TMEM135: variants seen among roughly 807,000 people sequenced by gnomAD.
TMEM135 encodes the protein transmembrane protein 135.
A neutral mutation model predicts 60.3 loss-of-function variants in TMEM135; 30 were observed. That is an observed-to-expected ratio of 0.50 (90% confidence interval 0.37 to 0.68). The LOEUF (loss-of-function observed/expected upper bound fraction) is 0.68. Ranked by LOEUF, TMEM135 falls within the 30% of genes least tolerant of loss-of-function variation. The pLI is 0.00. For missense variants in TMEM135, 468 were observed against 548.8 expected (o/e 0.85, Z 1.47); for synonymous variants, 190 against 186.7 (o/e 1.02, Z -0.14).
At chr11:87,295,270 T>C (rs1332302439) in intron 6 of TMEM135, among the ~76,000 whole-genome samples, 1 of 152,214 alleles carries the variant, frequency 6.6e-6, no homozygotes, top group East Asian at 1.9e-4. Context: ...TCTGTTCTAA[T>C]TGGGCTTAAT....
rs115912743 is a variant in TMEM135 at position 87,241,377 on chromosome 11, G to A, written c.509+4693G>A. Among the ~76,000 whole-genome samples the A allele has an allele frequency of 8.3e-3, 1,257 of 151,790 alleles. 21 individuals are homozygous for A. Among genetic ancestry groups the A allele is most frequent in the African/African-American group, 0.029 (1,207 of 41,408 alleles). On this transcript the variant is annotated intron_variant, in intron 6 of 14. Coordinates refer to ENST00000305494, the MANE Select transcript of TMEM135 (RefSeq NM_022918.4). ...TTTTTAAAATTTTTAATTTTTATAG[G>A]TATATAGTAGGTGTATATACTTACA...
intron 5 of TMEM135, among the ~76,000 whole-genome samples, chr11:87,158,581 C>T (rs1487528861): frequency 6.6e-6 from 1 of 151,642 alleles, no homozygotes; most frequent in Non-Finnish European, 1.5e-5. Flanking sequence ...CCTGCCTCAG[C>T]CTCCCAAGTA....
At chr11:87,116,654 CACAT>C (rs1857891290) in intron 4 of TMEM135, among the ~76,000 whole-genome samples, 1 of 136,634 alleles carries the variant, frequency 7.3e-6, no homozygotes, top group South Asian at 2.4e-4. Flanking sequence ...CACAGACACA[CACAT>C]ACATATAGTA....
chr11:87,086,223 G>A (rs1050936794), intron 3 of TMEM135, among the ~76,000 whole-genome samples: 1 of 152,012 alleles, frequency 6.6e-6, no homozygotes, highest in Non-Finnish European at 1.5e-5. Flanking sequence ...TTTGTTTAGT[G>A]CCTCGTATGC....
intron 4 of TMEM135, chr11:87,096,575 TAC>T (rs1275219699): frequency 6.6e-6 from 1 of 152,242 alleles, no homozygotes; most frequent in Non-Finnish European, 1.5e-5. Context: ...TGTTACTTAA[TAC>T]ACAGTCACCT....
At chr11:87,214,513 G>T (rs1940454837) in intron 5 of TMEM135, among the ~76,000 whole-genome samples, 1 of 151,746 alleles carries the variant, frequency 6.6e-6, no homozygotes, top group South Asian at 2.1e-4. Context: ...AGGTGAATGA[G>T]AATTTCCTTT....
intron 4 of TMEM135, among the ~76,000 whole-genome samples, chr11:87,124,255 C>T (rs558365083): frequency 6.6e-6 from 1 of 152,186 alleles, no homozygotes; most frequent in East Asian, 1.9e-4. Context: ...TCTAAAGAGT[C>T]GAGTCTCAGG....
At chr11:87,118,774 T>C (rs977445799) in intron 4 of TMEM135, among the ~76,000 whole-genome samples, 1 of 152,198 alleles carries the variant, frequency 6.6e-6, no homozygotes, top group Non-Finnish European at 1.5e-5. Flanking sequence ...CACTTGCTGC[T>C]TCACCTTGCA....
rs71040298 is a variant in TMEM135, at chr11:87,201,950, T to TTTATGTTATGTTATGTTATG, written c.463-34646_463-34627dup. ...ATGCATTCACTTTTGGTATTTATTT[T>TTTATGTTATGTTATGTTATG]TTATGTTATGTTATGTTATGTTATG... is the stretch of plus-strand genomic sequence containing the variant. On this transcript the variant is annotated intron_variant, in intron 5 of 14. Coordinates refer to ENST00000305494, the MANE Select transcript of TMEM135 (RefSeq NM_022918.4). Among the ~76,000 whole-genome samples the TTTATGTTATGTTATGTTATG allele has an allele frequency of 2.6e-3, 355 of 137,922 alleles. 2 individuals carry two copies. Among genetic ancestry groups the TTTATGTTATGTTATGTTATG allele is most frequent in the Admixed American group, 3.9e-3 (51 of 13,182 alleles). 90.5% of individuals were successfully genotyped at this position (137,922 alleles called of 152,430 possible).
chr11:87,249,823 T>A (rs1428308458), intron 6 of TMEM135, among the ~76,000 whole-genome samples: 1 of 152,194 alleles, frequency 6.6e-6, no homozygotes, highest in South Asian at 2.1e-4. Context: ...ACTATTGTCC[T>A]CATAGAATGA....
intron 5 of TMEM135, among the ~76,000 whole-genome samples, chr11:87,186,125 T>TCAATCTCTTGACTTCATGATCTGCCCG (rs1939647189): frequency 6.6e-6 from 1 of 152,182 alleles, no homozygotes; most frequent in Non-Finnish European, 1.5e-5. Context: ...CAGGATGGTC[T>TCAATCTCTTGACTTCATGATCTGCCCG]CAATCTCTTG....
chr11:87,204,280 C>T lies in TMEM135; in HGVS notation c.463-32358C>T, dbSNP rs554674600. On this transcript the variant is annotated intron_variant, in intron 5 of 14. Transcript: ENST00000305494. ...TGAATATTCGTACAATTTTTTTTTA[C>T]CAAACTCAAGCTGCTTTGCCTAGTT... Among the ~76,000 whole-genome samples, 4 of 151,350 alleles carry T rather than the reference C, an allele frequency of 2.6e-5. No homozygotes were observed. In the South Asian group the frequency reaches 8.4e-4, roughly 32 times the overall value.
At chr11:87,240,749 T>C (rs1941114648) in intron 6 of TMEM135, among the ~76,000 whole-genome samples, 1 of 152,156 alleles carries the variant, frequency 6.6e-6, no homozygotes, top group Admixed American at 6.6e-5. Context: ...TTGCATAATT[T>C]TTATAGATAA....
At chr11:87,138,724 A>C (rs1004817766) in intron 4 of TMEM135, among the ~76,000 whole-genome samples, 1 of 152,208 alleles carries the variant, frequency 6.6e-6, no homozygotes, top group Non-Finnish European at 1.5e-5. Flanking sequence ...TTCAGGTCTG[A>C]CAACTTTTTG....
chr11:87,261,635 A>T (rs1265689951), intron 6 of TMEM135, among the ~76,000 whole-genome samples: 1 of 151,964 alleles, frequency 6.6e-6, no homozygotes, highest in Non-Finnish European at 1.5e-5. Context: ...TCCTTCTAGA[A>T]TTCTTTTTTT....
intron 6 of TMEM135, among the ~76,000 whole-genome samples, chr11:87,268,804 G>A (rs1941804605): frequency 6.6e-6 from 1 of 151,968 alleles, no homozygotes; most frequent in Non-Finnish European, 1.5e-5. Context: ...GGTCAGAAGT[G>A]ATTTATTTTG....
chr11:87,079,828 TTTTTC>T (rs1004121783), intron 3 of TMEM135, among the ~76,000 whole-genome samples: 2 of 145,268 alleles, frequency 1.4e-5, no homozygotes, highest in African/African-American at 2.6e-5. Context: ...CTTTTTTCTT[TTTTTC>T]TTTTCTTTTC....
chr11:87,082,368 C>T (rs895972163), intron 3 of TMEM135, among the ~76,000 whole-genome samples: 1 of 152,074 alleles, frequency 6.6e-6, no homozygotes, highest in Admixed American at 6.5e-5. Flanking sequence ...CCATTAAAAG[C>T]TTATAAGTAA....
intron 9 of TMEM135, among the ~76,000 whole-genome samples, chr11:87,306,291 ATAAAGTCAT>A (rs1193651988): frequency 6.6e-6 from 1 of 152,200 alleles, no homozygotes. Flanking sequence ...ACAAGGAAAC[ATAAAGTCAT>A]TAAAATTTGT....
Sources: gnomAD v4.1 joint callset for allele counts (sites outside exome capture counted in the v4.1 genomes callset) on GRCh38, gnomAD v4.1.1 for gene constraint, MANE v1.5 for transcripts, NCBI Gene and HGNC (gene_info 2026-07-23, HGNC 2026-07-21) for gene names.